FCHO2: variants seen among roughly 807,000 people sequenced by gnomAD.
The protein encoded by FCHO2 is FCH and mu domain containing endocytic adaptor 2.
Under a neutral mutation model 114.1 loss-of-function variants are expected in FCHO2, and 43 were observed. The observed-to-expected ratio is 0.38, with a 90% CI of 0.30 to 0.49. The LOEUF (loss-of-function observed/expected upper bound fraction) is 0.49. Among genes scored for constraint, FCHO2 ranks in the 20% least tolerant of loss-of-function variants. FCHO2 has a pLI of 0.97. For synonymous variants in FCHO2, 293 were observed against 315.2 expected, an observed-to-expected ratio of 0.93 and a Z score of 0.75; for missense variants, 807 against 950.4, an observed-to-expected ratio of 0.85 and a Z score of 1.98.
intron 8 of FCHO2, among the ~76,000 whole-genome samples, chr5:73,029,532 C>A (rs1298406381): frequency 2.6e-5 from 4 of 152,164 alleles, no homozygotes; most frequent in South Asian, 2.1e-4. Flanking sequence ...GCCTTGGGTA[C>A]TGTATTCGTC....
intron 17 of FCHO2, among the ~76,000 whole-genome samples, chr5:73,063,492 A>G (rs1284157411): frequency 6.6e-6 from 1 of 152,114 alleles, no homozygotes; most frequent in Admixed American, 6.6e-5. Flanking sequence ...TATCTGTAAA[A>G]TAGATGTATT....
chr5:73,028,070 C>G (rs1489682443), intron 8 of FCHO2, among the ~76,000 whole-genome samples: 1 of 152,050 alleles, frequency 6.6e-6, no homozygotes, highest in African/African-American at 2.4e-5. Context: ...TGTTGTGCAC[C>G]TGTAGTCTTA....
At chr5:73,009,724 A>G (rs1754905390) in intron 6 of FCHO2, among the ~76,000 whole-genome samples, 1 of 152,116 alleles carries the variant, frequency 6.6e-6, no homozygotes. Flanking sequence ...TTTAGTAGAG[A>G]CAGGGTTTCA....
intron 1 of FCHO2, among the ~76,000 whole-genome samples, chr5:72,963,885 T>TTGTA (rs916410731): frequency 6.6e-6 from 1 of 150,466 alleles, no homozygotes; most frequent in Admixed American, 6.7e-5. Context: ...CATTCCCATT[T>TTGTA]TGTATGGGAA....
intron 5 of FCHO2, among the ~76,000 whole-genome samples, chr5:72,991,680 G>A (rs1753820526): frequency 6.6e-6 from 1 of 152,012 alleles, no homozygotes; most frequent in African/African-American, 2.4e-5. Flanking sequence ...CTTATTTGAT[G>A]TGGTATATCT....
chr5:73,028,344 ACC>A (rs1756050834), intron 8 of FCHO2, among the ~76,000 whole-genome samples: 1 of 152,220 alleles, frequency 6.6e-6, no homozygotes, highest in Non-Finnish European at 1.5e-5. Context: ...GCGTACACTT[ACC>A]ATATGATCCA....
chr5:73,010,456 G>A (rs961586192), intron 6 of FCHO2, among the ~76,000 whole-genome samples: 7 of 152,110 alleles, frequency 4.6e-5, no homozygotes, highest in Admixed American at 1.3e-4. Flanking sequence ...AAGATTATTA[G>A]GATTAGCGTA....
At chr5:73,004,193 G>A (rs1407544899) in intron 5 of FCHO2, among the ~76,000 whole-genome samples, 1 of 151,878 alleles carries the variant, frequency 6.6e-6, no homozygotes, top group East Asian at 1.9e-4. Context: ...CCCGGATTAA[G>A]CATGCCATTA....
chr5:72,990,971 G>T, intron 5 of FCHO2, 107 bp downstream of exon 5: 1 of 1,275,996 alleles, frequency 7.8e-7, no homozygotes, highest in Non-Finnish European at 1.1e-6. Context: ...TAAAGATGAA[G>T]ACACTGTGCC....
intron 8 of FCHO2, among the ~76,000 whole-genome samples, chr5:73,023,021 T>A (rs532717491): frequency 1.9e-4 from 29 of 152,326 alleles, no homozygotes; most frequent in African/African-American, 6.0e-4. Context: ...ATGCTTATCT[T>A]TGAATAAATC....
Position 73,036,810 on chromosome 5 carries a change from A to G in FCHO2, c.842-333A>G, listed in dbSNP as rs546676631. The stretch of plus-strand genomic sequence containing the variant: ...TTTGACGTTTATAACAAAATTTAGT[A>G]TAATGAATAATGTACTTTCTTTGAA... On this transcript the variant is annotated intron_variant, in intron 9 of 25. Coordinates refer to ENST00000430046, the MANE Select transcript of FCHO2 (RefSeq NM_138782.3). 1.2e-4 allele frequency among the ~76,000 whole-genome samples: 19 copies of G among 152,358 alleles called. No homozygotes were observed. In the East Asian group the frequency reaches 3.3e-3, roughly 26 times the overall value.
intron 5 of FCHO2, chr5:72,997,112 C>T: frequency 8.6e-7 from 1 of 1,163,286 alleles, no homozygotes; most frequent in Non-Finnish European, 1.3e-6. Context: ...GGTGCTGGAT[C>T]CGGATGAGAT....
chr5:73,051,241 T>C (rs1332879070), intron 11 of FCHO2, 108 bp from the exon 12 acceptor site: 6 of 671,932 alleles, frequency 8.9e-6, no homozygotes, highest in South Asian at 5.5e-5. Context: ...CCTGTTGATA[T>C]CTGAGAAGCG....
At chr5:73,079,849 C>A (rs989582987) in intron 22 of FCHO2, among the ~76,000 whole-genome samples, 1 of 152,084 alleles carries the variant, frequency 6.6e-6, no homozygotes, top group African/African-American at 2.4e-5. Flanking sequence ...ACACAGGGGT[C>A]CTGGAACCCA....
chr5:73,080,519 C>T (rs1743059781), intron 22 of FCHO2, among the ~76,000 whole-genome samples: 1 of 152,150 alleles, frequency 6.6e-6, no homozygotes, highest in Non-Finnish European at 1.5e-5. Flanking sequence ...AAATTAATTA[C>T]TATAGCCATT....
intron 5 of FCHO2, among the ~76,000 whole-genome samples, chr5:72,996,417 A>C (rs1236643816): frequency 6.6e-6 from 1 of 152,184 alleles, no homozygotes; most frequent in Non-Finnish European, 1.5e-5. Context: ...AAATGTAAAA[A>C]GCATAATATT....
chr5:72,980,296 C>T (rs1356046849), intron 2 of FCHO2, among the ~76,000 whole-genome samples: 2 of 152,158 alleles, frequency 1.3e-5, no homozygotes, highest in Non-Finnish European at 2.9e-5. Context: ...TTTGGTTGCA[C>T]TGTGGTCTGA....
intron 18 of FCHO2, among the ~76,000 whole-genome samples, chr5:73,066,224 G>T (rs946807317): frequency 2.6e-5 from 4 of 151,886 alleles, no homozygotes; most frequent in Non-Finnish European, 5.9e-5. Flanking sequence ...CCCCATCCTT[G>T]AGAGCCTTCT....
chr5:73,019,841 A>AT (rs889356889), intron 8 of FCHO2, among the ~76,000 whole-genome samples: 9 of 152,256 alleles, frequency 5.9e-5, no homozygotes, highest in South Asian at 2.1e-4. Context: ...GCATATTGCT[A>AT]TTTTTTGAAC....
Sources: gnomAD v4.1 joint callset for allele counts (sites outside exome capture counted in the v4.1 genomes callset) on GRCh38, gnomAD v4.1.1 for gene constraint, MANE v1.5 for transcripts, NCBI Gene and HGNC (gene_info 2026-07-23, HGNC 2026-07-21) for gene names.